Variants in ALOX12B observed in about 807,000 individuals in gnomAD.
ALOX12B encodes the protein arachidonate 12-lipoxygenase, 12R type, also known as arachidonate 12-lipoxygenase, 12R-type.
In ALOX12B, 47 loss-of-function variants were observed where a neutral mutation model predicts 78.9. The observed-to-expected ratio is 0.60, with a 90% CI of 0.47 to 0.76. The LOEUF is 0.76. ALOX12B is among the 30% of genes least tolerant of loss of function. ALOX12B has a pLI of 0.00. For missense variants in ALOX12B, 805 were observed against 922.6 expected (o/e 0.87, Z 1.65); for synonymous variants, 370 against 374.5 (o/e 0.99, Z 0.14).
At chr17:8,078,452 G>C (rs1242223214) in intron 8 of ALOX12B, among the ~76,000 whole-genome samples, 1 of 151,208 alleles carries the variant, frequency 6.6e-6, no homozygotes, top group African/African-American at 2.4e-5. Context: ...ACCGGGCCTA[G>C]AGAGCGGGCC....
In ALOX12B at chr17:8,075,606, C is replaced by G. The variant is rs145434489; in HGVS notation, c.1643G>C (p.Arg548Pro). 1 of 1,614,180 alleles carries G rather than the reference C, an allele frequency of 6.2e-7. No homozygotes were observed. Among genetic ancestry groups the G allele is most frequent in the Non-Finnish European group, 8.5e-7 (1 of 1,180,038 alleles). Residue 548 changes from arginine to proline, a missense_variant, in exon 12 of 15, where the codon CGG becomes CCG. By Grantham distance (103) the Arg-to-Pro change is moderately radical (BLOSUM62 -2). Transcript: ENST00000647874. ...GTCCAGGCCCATACCTGAGCTCTCC[C>G]GCCCCAGGAGGCACTCTTTAAATAT... is the stretch of plus-strand genomic sequence containing the variant. Reference protein sequence around the residue: ...QEIFKECLLGRESSGFPRCLR... With the variant: ...QEIFKECLLGPESSGFPRCLR...
chr17:8,085,532 G>A (rs573259456), intron 2 of ALOX12B, among the ~76,000 whole-genome samples: 185 of 152,316 alleles, frequency 1.2e-3, no homozygotes, highest in African/African-American at 4.1e-3. Context: ...AAATGGGATA[G>A]CAAGGTGCTG....
At chr17:8,081,215 A>C in intron 2 of ALOX12B, 28 bp from the exon 3 acceptor site, 1 of 1,609,608 alleles carries the variant, frequency 6.2e-7, no homozygotes, top group Non-Finnish European at 8.5e-7. Context: ...AGAGGACTCA[A>C]GGGCTGACCC....
chr17:8,087,254 A>C (rs1978303639), intron 1 of ALOX12B, 42 bp downstream of exon 1: 3 of 1,039,368 alleles, frequency 2.9e-6, no homozygotes, highest in Non-Finnish European at 4.0e-6. Flanking sequence ...ACACACACAC[A>C]CACAGACACA....
rs1396235859 is a variant in ALOX12B, at chr17:8,080,193, G to T, written c.754+42C>A. ...GGGCCTGCCTAGCACGCCGGAGACC[G>T]CCTGGCTCCCCCTGCTCGATCCGGG... On this transcript the variant is annotated intron_variant, in intron 6 of 14. Transcript: ENST00000647874. This position sits in a 1 kb window ranked among gnomAD's most constrained non-coding sequence, Gnocchi z 4.8. 2 of 1,599,590 alleles carry T rather than the reference G, an allele frequency of 1.3e-6. No individual in the cohort carries two copies. The highest frequency in any genetic ancestry group is 1.1e-5 in the South Asian group (1 of 90,772).
intron 10 of ALOX12B, 129 bp from the exon 11 acceptor site, chr17:8,076,473 T>C: frequency 8.4e-6 from 11 of 1,302,068 alleles, no homozygotes; most frequent in South Asian, 1.4e-5. Context: ...ACAATCCTGC[T>C]CTGGGCCAGC....
At chr17:8,078,319 T>C (rs889195700) in intron 8 of ALOX12B, among the ~76,000 whole-genome samples, 3 of 151,330 alleles carry the variant, frequency 2.0e-5, no homozygotes, top group African/African-American at 4.8e-5. Flanking sequence ...CAGCTAATTT[T>C]TGTAGTTTTA....
chr17:8,074,549 T>A (rs1977043958), intron 12 of ALOX12B, among the ~76,000 whole-genome samples: 1 of 150,916 alleles, frequency 6.6e-6, no homozygotes, highest in Non-Finnish European at 1.5e-5. Flanking sequence ...TCCCCACAGC[T>A]CTTACCCTAG....
At chr17:8,085,442 C>T (rs900751574) in intron 2 of ALOX12B, among the ~76,000 whole-genome samples, 2 of 152,132 alleles carry the variant, frequency 1.3e-5, no homozygotes, top group South Asian at 4.1e-4. Context: ...AGTGAAACTC[C>T]GTCTCAAAAA....
At chr17:8,083,898 C>T (rs181422907) in intron 2 of ALOX12B, among the ~76,000 whole-genome samples, 42 of 152,250 alleles carry the variant, frequency 2.8e-4, no homozygotes, top group African/African-American at 9.9e-4. Context: ...GTGGCTCACA[C>T]CTGTAATCCC....
chr17:8,076,841 G>C, intron 9 of ALOX12B, 98 bp from the exon 10 acceptor site: 2 of 1,459,856 alleles, frequency 1.4e-6, no homozygotes, highest in South Asian at 2.4e-5. Flanking sequence ...CTCACTCTGG[G>C]AAGTCCCTAT....
intron 1 of ALOX12B, among the ~76,000 whole-genome samples, 177 bp downstream of exon 1, chr17:8,087,119 G>A (rs3027307): frequency 0.3 from 46,078 of 151,844 alleles, 9,176 homozygotes; most frequent in African/African-American, 0.57. Context: ...CACTGCCTTC[G>A]GAGCTGTGCC....
Position 8,073,709 on chromosome 17 carries a change from G to A in ALOX12B, c.1703C>T (p.Thr568Ile). ...GGCAGAGCAGGTGTAGATGACTATA[G>A]TGACATATCGGATCAGCTCAGGCAC... ...RTVPELIRYV[T>I]IVIYTCSAKH... Residue 568 changes from threonine to isoleucine, a missense_variant, in exon 13 of 15, where the codon ACT becomes ATT. By Grantham distance (89) the Thr-to-Ile change is moderately conservative. Coordinates refer to ENST00000647874, the MANE Select transcript of ALOX12B (RefSeq NM_001139.3). 1 of 1,614,174 alleles carries A rather than the reference G, an allele frequency of 6.2e-7. No homozygotes were observed. Among genetic ancestry groups the A allele is most frequent in the South Asian group, 1.1e-5 (1 of 91,078 alleles).
chr17:8,083,930 A>G (rs1014486836), intron 2 of ALOX12B, among the ~76,000 whole-genome samples: 6 of 152,108 alleles, frequency 3.9e-5, no homozygotes, highest in Non-Finnish European at 7.4e-5. Context: ...AGGCCAAGGC[A>G]GGCAGATCAC....
intron 11 of ALOX12B, 127 bp downstream of exon 11, chr17:8,076,048 C>CCCTT: frequency 7.8e-7 from 1 of 1,284,488 alleles, no homozygotes; most frequent in Non-Finnish European, 1.1e-6. Flanking sequence ...GACCCCAGGC[C>CCCTT]CCTTCCCCAA....
chr17:8,081,442 C>A (rs1977216387), intron 2 of ALOX12B: 1 of 567,412 alleles, frequency 1.8e-6, no homozygotes, highest in African/African-American at 1.9e-5. Context: ...TCCTCTAGAC[C>A]CACTGAAATA....
rs1977148496 is a variant in ALOX12B at position 8,079,026 on chromosome 17, T to C, written c.1071+370A>G. Among the ~76,000 whole-genome samples, 1 of 151,210 alleles carries C rather than the reference T, an allele frequency of 6.6e-6. No individual in the cohort carries two copies. The highest frequency in any genetic ancestry group is 2.0e-4 in the East Asian group (1 of 5,084). ...CATTTTCCTGCCTCAGCCTCCCGAGTAGCTGGGACTACAGGCGCCCGCCAC... is the reference window on the plus strand; with the variant it reads ...CATTTTCCTGCCTCAGCCTCCCGAGCAGCTGGGACTACAGGCGCCCGCCAC... On this transcript the variant is annotated intron_variant, in intron 8 of 14. Transcript: ENST00000647874. This position sits in a 1 kb window ranked among gnomAD's most constrained non-coding sequence, Gnocchi z 6.4.
At chr17:8,084,946 C>G (rs999410933) in intron 2 of ALOX12B, among the ~76,000 whole-genome samples, 2 of 152,210 alleles carry the variant, frequency 1.3e-5, no homozygotes, top group African/African-American at 4.8e-5. Context: ...CTCAGCCACT[C>G]CGGTCCTATG....
At chr17:8,085,461 C>T (rs1381915124) in intron 2 of ALOX12B, among the ~76,000 whole-genome samples, 1 of 152,148 alleles carries the variant, frequency 6.6e-6, no homozygotes, top group Non-Finnish European at 1.5e-5. Context: ...AAAAGAAAGC[C>T]AGGGCGTCAT....
Sources: allele counts gnomAD v4.1 joint callset (sites outside exome capture counted in the v4.1 genomes callset), GRCh38; gene constraint gnomAD v4.1.1; non-coding constraint Gnocchi (gnomAD v3.1); transcripts MANE v1.5; gene names NCBI Gene and HGNC (gene_info 2026-07-23, HGNC 2026-07-21).